Variants in FREM1 observed in about 807,000 individuals in gnomAD.
FREM1 encodes the protein FRAS1 related extracellular matrix 1, also known as FRAS1-related extracellular matrix protein 1.
Under a neutral mutation model 210.1 loss-of-function variants are expected in FREM1, and 220 were observed. The ratio of observed to expected loss-of-function variants is 1.05; its 90% CI spans 0.94 to 1.17. The LOEUF (loss-of-function observed/expected upper bound fraction) is 1.17, where lower values mean the gene tolerates loss of function less well. FREM1 is among the 50% of genes most tolerant of loss of function. The pLI is 0.00. For synonymous variants in FREM1, 1,189 were observed against 980.2 expected (o/e 1.21, Z -3.98); for missense variants, 3,454 against 2,675.5 (o/e 1.29, Z -6.42).
At chr9:14,852,296 C>A (rs531486971) in intron 5 of FREM1, among the ~76,000 whole-genome samples, 1 of 152,222 alleles carries the variant, frequency 6.6e-6, no homozygotes, top group South Asian at 2.1e-4. Flanking sequence ...AGGCATGCAT[C>A]CTCCCAAAAT....
intron 25 of FREM1, among the ~76,000 whole-genome samples, chr9:14,771,592 T>C (rs2132520695): frequency 6.6e-6 from 1 of 152,256 alleles, no homozygotes; most frequent in Middle Eastern, 3.4e-3. Context: ...GGAGCAGGTT[T>C]GGATGGATTA....
intron 2 of FREM1, among the ~76,000 whole-genome samples, chr9:14,867,665 A>G (rs10511600): frequency 0.063 from 9,516 of 152,216 alleles, 350 homozygotes; most frequent in East Asian, 0.15. Flanking sequence ...ACCTAGTACC[A>G]CTTTTCAATA....
chr9:14,877,808 G>A (rs1016721031), intron 1 of FREM1, among the ~76,000 whole-genome samples: 4 of 152,186 alleles, frequency 2.6e-5, no homozygotes, highest in Non-Finnish European at 5.9e-5. Flanking sequence ...ACCTAAAGCA[G>A]AGAACCCAGC....
chr9:14,740,162 C>G lies in FREM1; in HGVS notation c.6327G>C (p.Lys2109Asn), dbSNP rs1479279863. Residue 2109 changes from lysine (K) to asparagine (N), a missense_variant, in exon 36 of 37, where the codon AAG (lysine) becomes AAC (asparagine). Transcript: ENST00000380880. Reference protein sequence around the residue: ...MRWLWDIGGRKSFWIGLNDQV... With the variant: ...MRWLWDIGGRNSFWIGLNDQV... ...CCAGATACTTGCCTATCCAAAAGGA[C>G]TTTCTCCCACCAATGTCCCAGAGCC... 6.2e-7 allele frequency: 1 copy of G among 1,612,356 alleles called. No individual in the cohort carries two copies. The highest frequency in any genetic ancestry group is 8.5e-7 in the Non-Finnish European group (1 of 1,178,858).
chr9:14,755,572 G>A (rs371503048), intron 29 of FREM1, among the ~76,000 whole-genome samples: 1 of 152,188 alleles, frequency 6.6e-6, no homozygotes, highest in Non-Finnish European at 1.5e-5. Flanking sequence ...AGAGCTACCT[G>A]TCCCATCCAC....
chr9:14,806,616 A>C, intron 18 of FREM1, 45 bp downstream of exon 18: 1 of 1,122,594 alleles, frequency 8.9e-7, no homozygotes, highest in Non-Finnish European at 1.3e-6. Flanking sequence ...CGCTTCCATA[A>C]ATATAAGGAA....
intron 22 of FREM1, among the ~76,000 whole-genome samples, chr9:14,790,456 CTCTT>C (rs1363182722): frequency 1.3e-5 from 2 of 152,166 alleles, no homozygotes; most frequent in African/African-American, 2.4e-5. Flanking sequence ...TTAAAACAGA[CTCTT>C]TCAGGTTTTA....
rs1821878030 is a variant in FREM1, at chr9:14,824,103, A to G, written c.2091T>C (p.Ala697=). The G allele has an allele frequency of 6.3e-7, 1 of 1,577,678 alleles. No homozygotes were observed. The highest frequency in any genetic ancestry group is 1.2e-5 in the South Asian group (1 of 86,034). The change falls in exon 12 of 37, where the codon GCT becomes GCC. Residue 697 remains alanine, a synonymous_variant. Coordinates refer to ENST00000380880, the MANE Select transcript of FREM1 (RefSeq NM_001379081.2). ...TGCTGTCCACCATAAATAATTTCCC[A>G]GCATCCAAGTGTCTAAAGAGAAATA... ...FFSFSHRHLD[A]GKLFMVDSIP... is the part of the protein sequence containing the mutation.
rs1234796032 is a variant in FREM1, at chr9:14,836,271, CAG to C, written c.1881+5174_1881+5175del. Among the ~76,000 whole-genome samples, 1 of 152,196 alleles carries C rather than the reference CAG, an allele frequency of 6.6e-6. No individual in the cohort carries two copies. Among genetic ancestry groups the C allele is most frequent in the Non-Finnish European group, 1.5e-5 (1 of 68,036 alleles). ...AGCACCTTCAAACTAAAATATTGGA[CAG>C]AGAGTTTTCATTGCTGTAGTATTTT... is the stretch of plus-strand genomic sequence containing the variant. On this transcript the variant is annotated intron_variant, in intron 10 of 36. Coordinates refer to ENST00000380880, the MANE Select transcript of FREM1 (RefSeq NM_001379081.2). The surrounding 1 kb of genome is among the most constrained non-coding windows in gnomAD (Gnocchi z 4.9).
Position 14,842,447 on chromosome 9 carries a change from T to C in FREM1, c.1607A>G (p.Gln536Arg). 1.2e-6 allele frequency: 2 copies of C among 1,613,918 alleles called. No individual in the cohort carries two copies. Reference protein sequence around the residue: ...TNVVIELEEGQTILIQGSMLR... With the variant: ...TNVVIELEEGRTILIQGSMLR... Reference sequence around the variant, plus strand: ...CATGGATCCCTGGATCAGGATGGTCTGCCCCTCCTCCAGTTCAATCACAAC... The same window carrying C: ...CATGGATCCCTGGATCAGGATGGTCCGCCCCTCCTCCAGTTCAATCACAAC... The change falls in exon 9 of 37, where the codon CAG becomes CGG. Residue 536 changes from glutamine (Q) to arginine (R), a missense_variant. Transcript: ENST00000380880.
intron 24 of FREM1, chr9:14,782,271 T>C: frequency 1.9e-6 from 1 of 520,650 alleles, no homozygotes; most frequent in Non-Finnish European, 2.5e-6. Context: ...TGCCATCTAA[T>C]AAGACTTTCT....
At chr9:14,737,929 T>C (rs1840697837) in intron 36 of FREM1, among the ~76,000 whole-genome samples, 1 of 152,192 alleles carries the variant, frequency 6.6e-6, no homozygotes, top group African/African-American at 2.4e-5. Flanking sequence ...GCTCTTGGCA[T>C]ATATAAGTGT....
At chr9:14,809,366 T>C (rs778171270) in intron 16 of FREM1, among the ~76,000 whole-genome samples, 18 of 152,318 alleles carry the variant, frequency 1.2e-4, no homozygotes, top group Non-Finnish European at 2.2e-4. Context: ...CTTGGAGTTT[T>C]GATGAACCTA....
chr9:14,893,194 A>T (rs1837169961), intron 1 of FREM1, among the ~76,000 whole-genome samples: 1 of 152,090 alleles, frequency 6.6e-6, no homozygotes, highest in African/African-American at 2.4e-5. Context: ...TCTGTGGTTG[A>T]ATGAATGGTA....
rs116075465 is a variant in FREM1, at chr9:14,901,735, G to C, written c.-268+8179C>G. On this transcript the variant is annotated intron_variant, in intron 1 of 36. Transcript: ENST00000380880. ...TCACTTTTTGAACACTTTAGTGTCT[G>C]CAGAAAGAAGCTCAATCTACAATAT... 4.9e-3 allele frequency among the ~76,000 whole-genome samples: 748 copies of C among 152,302 alleles called. 7 individuals are homozygous for C. The highest frequency in any genetic ancestry group is 0.017 in the African/African-American group (712 of 41,562).
intron 1 of FREM1, among the ~76,000 whole-genome samples, chr9:14,900,595 G>C (rs1291947458): frequency 6.6e-6 from 1 of 152,124 alleles, no homozygotes; most frequent in African/African-American, 2.4e-5. Flanking sequence ...GGGCTGGGAA[G>C]AGGAGAGGAA....
intron 1 of FREM1, among the ~76,000 whole-genome samples, chr9:14,895,921 G>A (rs907509450): frequency 6.6e-6 from 1 of 152,076 alleles, no homozygotes; most frequent in Non-Finnish European, 1.5e-5. Context: ...TAAAAGGGAG[G>A]GGGGAAATGT....
chr9:14,761,094 A>T (rs1845414544), intron 27 of FREM1, among the ~76,000 whole-genome samples: 1 of 152,146 alleles, frequency 6.6e-6, no homozygotes, highest in African/African-American at 2.4e-5. Flanking sequence ...TGGAACTAGA[A>T]ATTCTGGGTG....
rs939825294 is a variant in FREM1, at chr9:14,754,064, G to A, written c.5407+2310C>T. On this transcript the variant is annotated intron_variant, in intron 29 of 36. Transcript: ENST00000380880. ...TTCAGAGTCTCTTGTAGTGTGACAC[G>A]TTCTAGTTCCTATCAGTCCAAACAG... is the stretch of plus-strand genomic sequence containing the variant. 3.9e-5 allele frequency among the ~76,000 whole-genome samples: 6 copies of A among 152,282 alleles called. No homozygotes were observed. In the East Asian group the frequency reaches 5.8e-4, roughly 15 times the overall value.
Sources: allele counts gnomAD v4.1 joint callset (sites outside exome capture counted in the v4.1 genomes callset), GRCh38; gene constraint gnomAD v4.1.1; non-coding constraint Gnocchi (gnomAD v3.1); transcripts MANE v1.5; gene names NCBI Gene and HGNC (gene_info 2026-07-23, HGNC 2026-07-21).